The following EFR3A variants were observed in gnomAD, a reference collection of about 807,000 sequenced individuals.
The protein encoded by EFR3A is EFR3 homolog A.
In EFR3A, 76 loss-of-function variants were observed where a neutral mutation model predicts 104.4. The observed-to-expected ratio is 0.73, with a 90% CI of 0.60 to 0.88. The LOEUF (loss-of-function observed/expected upper bound fraction) is 0.88. Ranked by LOEUF, EFR3A falls within the 40% of genes least tolerant of loss-of-function variation. The pLI is 0.00. For synonymous variants in EFR3A, 330 were observed against 330.0 expected (o/e 1.00, Z 0.00); for missense variants, 985 against 1,012.5 (o/e 0.97, Z 0.37).
intron 8 of EFR3A, among the ~76,000 whole-genome samples, chr8:131,965,061 T>C (rs558602868): frequency 6.6e-6 from 1 of 152,020 alleles, no homozygotes; most frequent in Non-Finnish European, 1.5e-5. Flanking sequence ...ATACAAAAAT[T>C]AATTCAAGAT....
At chr8:131,936,033 T>C (rs971097120) in intron 1 of EFR3A, among the ~76,000 whole-genome samples, 2 of 152,108 alleles carry the variant, frequency 1.3e-5, no homozygotes, top group African/African-American at 2.4e-5. Context: ...TAATCCATAC[T>C]ATCAGTTTCA....
At chr8:131,923,779 A>C (rs1817169340) in intron 1 of EFR3A, among the ~76,000 whole-genome samples, 1 of 152,070 alleles carries the variant, frequency 6.6e-6, no homozygotes, top group African/African-American at 2.4e-5. Context: ...GCCAGTGCGC[A>C]CTCAGAAGAA....
At chr8:131,959,441 A>C (rs977238696) in intron 7 of EFR3A, 144 bp from the exon 8 acceptor site, 4 of 609,592 alleles carry the variant, frequency 6.6e-6, no homozygotes, top group Non-Finnish European at 1.1e-5. Flanking sequence ...TATTTCATGA[A>C]GTTCATTACT....
intron 1 of EFR3A, among the ~76,000 whole-genome samples, chr8:131,922,738 C>G (rs1273192876): frequency 6.6e-6 from 1 of 152,128 alleles, no homozygotes; most frequent in Non-Finnish European, 1.5e-5. Flanking sequence ...TGCATGTTAA[C>G]CTATTGCCTT....
chr8:132,010,855 CA>C lies in EFR3A; in HGVS notation c.2427del (p.Val810SerfsTer4). 6.2e-7 allele frequency: 1 copy of C among 1,612,520 alleles called. No homozygotes were observed. Among genetic ancestry groups the C allele is most frequent in the Non-Finnish European group, 8.5e-7 (1 of 1,178,928 alleles). On this transcript the variant is annotated frameshift_variant, in exon 23 of 23. Coordinates refer to ENST00000254624, the MANE Select transcript of EFR3A (RefSeq NM_015137.6). LOFTEE classifies it high-confidence loss of function. Reference sequence around the variant, plus strand: ...GGGCATGCCCAATACCAATCTGTCCCAGTCTATGAGATGAAGTTTCCAGATC... The same window carrying C: ...GGGCATGCCCAATACCAATCTGTCCCGTCTATGAGATGAAGTTTCCAGATC... ...TSGHAQYQSV[P>X]VYEMKFPDLC...
At chr8:131,934,379 T>A (rs2130518368) in intron 1 of EFR3A, among the ~76,000 whole-genome samples, 1 of 152,244 alleles carries the variant, frequency 6.6e-6, no homozygotes, top group Non-Finnish European at 1.5e-5. Context: ...TCCATGTCCT[T>A]GGTAAAACCT....
chr8:131,981,327 A>G (rs963615650), intron 14 of EFR3A, among the ~76,000 whole-genome samples: 1 of 152,088 alleles, frequency 6.6e-6, no homozygotes, highest in African/African-American at 2.4e-5. Context: ...CTATTATTTC[A>G]TGTTAGATTT....
chr8:131,908,924 A>G (rs969718804), intron 1 of EFR3A, among the ~76,000 whole-genome samples: 3 of 152,240 alleles, frequency 2.0e-5, no homozygotes, highest in Non-Finnish European at 4.4e-5. Context: ...TACAGTGTGT[A>G]ACAATCAGGT....
intron 5 of EFR3A, among the ~76,000 whole-genome samples, chr8:131,951,001 A>C (rs1401647712): frequency 8.5e-5 from 13 of 152,276 alleles, no homozygotes; most frequent in African/African-American, 2.6e-4. Context: ...ACACCTAAAA[A>C]ACAAGAAATC....
intron 3 of EFR3A, among the ~76,000 whole-genome samples, 166 bp from the exon 4 acceptor site, chr8:131,946,317 G>A (rs1425682832): frequency 6.6e-6 from 1 of 152,096 alleles, no homozygotes; most frequent in Non-Finnish European, 1.5e-5. Flanking sequence ...TAACCTACAA[G>A]ATATTAGTGC....
At chr8:131,931,249 T>C (rs1280670333) in intron 1 of EFR3A, among the ~76,000 whole-genome samples, 1 of 152,134 alleles carries the variant, frequency 6.6e-6, no homozygotes, top group East Asian at 1.9e-4. Flanking sequence ...GGAAACATAG[T>C]TCGCTTTGAT....
rs1350120241 is a variant in EFR3A, at chr8:131,991,237, G to A, written c.2065+3535G>A. 2.0e-5 allele frequency among the ~76,000 whole-genome samples: 3 copies of A among 152,102 alleles called. No individual in the cohort carries two copies. The South Asian group carries it at 6.2e-4, about 32-fold the overall frequency. ...ATTCACTATCACGAGACTAATGTGG[G>A]AAAGACCAACCCTCATGATTCAGTT... On this transcript the variant is annotated intron_variant, in intron 18 of 22. Transcript: ENST00000254624.
chr8:131,995,353 T>C (rs1821420356), intron 18 of EFR3A, among the ~76,000 whole-genome samples: 1 of 152,190 alleles, frequency 6.6e-6, no homozygotes, highest in South Asian at 2.1e-4. Context: ...TCCTGTACTT[T>C]CATCACACTT....
At position 132,012,032 on chromosome 8, in the gene EFR3A, A is replaced by G. The variant is rs906177174; in HGVS notation, c.*1137A>G. 1 of 152,186 alleles carries G rather than the reference A, an allele frequency of 6.6e-6. No homozygotes were observed. Among genetic ancestry groups the G allele is most frequent in the Non-Finnish European group, 1.5e-5 (1 of 68,024 alleles). 9.4% of individuals were successfully genotyped at this position (152,186 alleles called of 1,614,324 possible). The stretch of plus-strand genomic sequence containing the variant: ...TACACATAACACTGACAGACCCATA[A>G]CATTACATACATCTTAGTGAATTCT... On this transcript the variant is annotated 3_prime_UTR_variant, in exon 23 of 23. Transcript: ENST00000254624.
intron 8 of EFR3A, among the ~76,000 whole-genome samples, chr8:131,967,508 T>TAGACCGATC (rs1411545146): frequency 6.7e-6 from 1 of 150,020 alleles, no homozygotes; most frequent in African/African-American, 2.5e-5. Flanking sequence ...TGGATGATAG[T>TAGACCGATC]AGACCGATCG....
intron 1 of EFR3A, among the ~76,000 whole-genome samples, chr8:131,912,006 T>C (rs1054788818): frequency 1.3e-5 from 2 of 152,224 alleles, no homozygotes; most frequent in African/African-American, 4.8e-5. Flanking sequence ...AAAAGGGTTC[T>C]GGTTTTTGTA....
chr8:131,995,300 CT>C (rs1821417828), intron 18 of EFR3A, among the ~76,000 whole-genome samples: 1 of 152,088 alleles, frequency 6.6e-6, no homozygotes, highest in Admixed American at 6.6e-5. Context: ...AAGTGACTTC[CT>C]TTTTTCGACT....
chr8:131,994,190 C>T (rs879717284), intron 18 of EFR3A, among the ~76,000 whole-genome samples: 1 of 151,716 alleles, frequency 6.6e-6, no homozygotes, highest in Non-Finnish European at 1.5e-5. Flanking sequence ...CTGCAGTGAG[C>T]TCTGATCACA....
At chr8:131,924,091 C>A in intron 1 of EFR3A, 1 of 439,826 alleles carries the variant, frequency 2.3e-6, no homozygotes, top group Non-Finnish European at 4.6e-6. Flanking sequence ...TTTCTTAGGT[C>A]ATAAAATGAA....
Sources: gnomAD v4.1 joint callset for allele counts (sites outside exome capture counted in the v4.1 genomes callset) on GRCh38, gnomAD v4.1.1 for gene constraint, MANE v1.5 for transcripts, NCBI Gene and HGNC (gene_info 2026-07-23, HGNC 2026-07-21) for gene names.